Variants in ZNF469 observed in about 807,000 individuals in gnomAD.
ZNF469 encodes the protein zinc finger protein 469.
In ZNF469, 1 loss-of-function variant was observed where a neutral mutation model predicts 1.0. The ratio of observed to expected loss-of-function variants is 1.00; its 90% CI spans 0.35 to 4.73. ZNF469 has a LOEUF of 4.73. Among genes scored for constraint, ZNF469 ranks in the 30% most tolerant of loss-of-function variants. ZNF469 has a pLI of 0.16. For synonymous variants in ZNF469, 2,703 were observed against 2,363.4 expected (o/e 1.14, Z -4.17); for missense variants, 6,100 against 5,356.3 (o/e 1.14, Z -4.33).
At chr16:88,182,649 C>G in the ZNF469 span, among the ~76,000 whole-genome samples, 5 of 152,036 alleles carry the variant, frequency 3.3e-5, no homozygotes, top group African/African-American at 4.8e-5. Flanking sequence ...TAAAGATACT[C>G]TTTCCAACAA....
At chr16:88,265,564 G>C in the ZNF469 span, among the ~76,000 whole-genome samples, 4 of 152,310 alleles carry the variant, frequency 2.6e-5, no homozygotes, top group Admixed American at 6.5e-5. Context: ...AAAGGAGTGC[G>C]TGCAGCGTGT....
chr16:88,227,855 TC>T, the ZNF469 span, among the ~76,000 whole-genome samples: 112 of 152,292 alleles, frequency 7.4e-4, no homozygotes, highest in Non-Finnish European at 1.4e-3. Flanking sequence ...TCCTCGGCGT[TC>T]CCCGGCACGC....
At chr16:88,323,672 G>T in the ZNF469 span, among the ~76,000 whole-genome samples, 1 of 152,162 alleles carries the variant, frequency 6.6e-6, no homozygotes, top group Admixed American at 6.5e-5. Flanking sequence ...AGAGGTATTG[G>T]GGGGGCTGCC....
At chr16:88,396,222 G>T (rs918338415) in intron 1 of ZNF469, among the ~76,000 whole-genome samples, 3 of 152,296 alleles carry the variant, frequency 2.0e-5, no homozygotes, top group Non-Finnish European at 4.4e-5. Flanking sequence ...TCCATGGAAT[G>T]ATGGACTTAA....
chr16:88,380,174 C>T (rs1311554759), upstream of ZNF469, among the ~76,000 whole-genome samples: 1 of 119,192 alleles, frequency 8.4e-6, no homozygotes, highest in South Asian at 2.5e-4. Flanking sequence ...GACATGCACT[C>T]ACACACAAAT....
At chr16:88,210,014 AAGG>A in the ZNF469 span, among the ~76,000 whole-genome samples, 1 of 152,254 alleles carries the variant, frequency 6.6e-6, no homozygotes, top group Admixed American at 6.5e-5. Flanking sequence ...CCAGCAAAGT[AAGG>A]AAAGGCCCAC....
the ZNF469 span, among the ~76,000 whole-genome samples, chr16:88,293,184 GGATGGATGGATGAATGGATGGGTA>G: frequency 1.3e-5 from 2 of 152,104 alleles, no homozygotes; most frequent in Non-Finnish European, 2.9e-5. Flanking sequence ...ATACATGGGT[GGATGGATGGATGAATGGATGGGTA>G]GATGGATGGA....
At chr16:88,186,868 G>T in the ZNF469 span, among the ~76,000 whole-genome samples, 2 of 152,094 alleles carry the variant, frequency 1.3e-5, no homozygotes, top group East Asian at 3.9e-4. Context: ...TGTGACTCAC[G>T]GGGCCTGAGC....
At chr16:88,232,599 G>A in the ZNF469 span, among the ~76,000 whole-genome samples, 3 of 152,270 alleles carry the variant, frequency 2.0e-5, no homozygotes, top group Admixed American at 6.5e-5. Flanking sequence ...TGCCCTGGGT[G>A]CAGTGATGCG....
At position 88,429,663 on chromosome 16, in the gene ZNF469, G is replaced by T; in HGVS notation, c.2193G>T (p.Leu731=). 6.5e-7 allele frequency: 1 copy of T among 1,542,646 alleles called. No homozygotes were observed. The change falls in exon 3 of 3, where the codon CTG becomes CTT. Residue 731 remains leucine, a synonymous_variant. Transcript: ENST00000565624. ...GCCTGGACCAGCTGGACGTGCTGCT[G>T]ACCTGCAGGCAGTGTGACCGCAACT... The part of the protein sequence containing the change: ...SASLDQLDVL[L]TCRQCDRNYS...
chr16:88,171,188 A>C, the ZNF469 span, among the ~76,000 whole-genome samples: 3 of 152,246 alleles, frequency 2.0e-5, no homozygotes, highest in Admixed American at 6.5e-5. Context: ...AGTCATGAGG[A>C]TGCACATGTG....
At chr16:88,278,444 T>C in the ZNF469 span, among the ~76,000 whole-genome samples, 2 of 78,380 alleles carry the variant, frequency 2.6e-5, no homozygotes, top group African/African-American at 4.1e-5. Flanking sequence ...GTTAGTGCTG[T>C]GCCACGCCGA....
chr16:88,348,128 C>G, the ZNF469 span, among the ~76,000 whole-genome samples: 1 of 152,254 alleles, frequency 6.6e-6, no homozygotes, highest in East Asian at 1.9e-4. Context: ...CATCTGTGTG[C>G]GTCCCCTGGG....
the ZNF469 span, among the ~76,000 whole-genome samples, chr16:88,149,890 C>A: frequency 6.6e-6 from 1 of 152,242 alleles, no homozygotes; most frequent in Non-Finnish European, 1.5e-5. Context: ...TTCACATGCC[C>A]CTCCTCTCCA....
At chr16:88,126,084 G>A in the ZNF469 span, among the ~76,000 whole-genome samples, 2 of 150,480 alleles carry the variant, frequency 1.3e-5, no homozygotes, top group South Asian at 4.2e-4. Context: ...AGCTACTGAA[G>A]AGGCTGAGAC....
At chr16:88,361,153 C>T in the ZNF469 span, among the ~76,000 whole-genome samples, 2 of 152,122 alleles carry the variant, frequency 1.3e-5, no homozygotes, top group African/African-American at 2.4e-5. Context: ...ACCTAGATCC[C>T]TCACATGCGC....
intron 1 of ZNF469, among the ~76,000 whole-genome samples, chr16:88,407,437 A>G (rs780699589): frequency 2.0e-5 from 3 of 152,236 alleles, no homozygotes; most frequent in African/African-American, 4.8e-5. Context: ...CTGTATCTAT[A>G]GCGTGGCCGA....
chr16:88,384,146 G>C (rs1305724663), intron 1 of ZNF469, among the ~76,000 whole-genome samples: 1 of 152,238 alleles, frequency 6.6e-6, no homozygotes, highest in Non-Finnish European at 1.5e-5. Flanking sequence ...GTGTTATCAC[G>C]TTTAATCCTT....
the ZNF469 span, among the ~76,000 whole-genome samples, chr16:88,170,927 C>T: frequency 6.6e-6 from 1 of 152,156 alleles, no homozygotes; most frequent in South Asian, 2.1e-4. The surrounding 1 kb of genome is among the most constrained non-coding windows in gnomAD (Gnocchi z 4.2). Flanking sequence ...TAGCGGGGGA[C>T]AGCAGACTTC....
Sources: allele counts gnomAD v4.1 joint callset (sites outside exome capture counted in the v4.1 genomes callset), GRCh38; gene constraint gnomAD v4.1.1; non-coding constraint Gnocchi (gnomAD v3.1); transcripts MANE v1.5; gene names NCBI Gene and HGNC (gene_info 2026-07-23, HGNC 2026-07-21).